The following LHFPL6 variants were observed in gnomAD, a reference collection of about 807,000 sequenced individuals.
The protein encoded by LHFPL6 is LHFPL tetraspan subfamily member 6.
In LHFPL6, 9 loss-of-function variants were observed where a neutral mutation model predicts 20.6. The observed-to-expected ratio is 0.44, with a 90% CI of 0.26 to 0.76. The LOEUF is 0.76. Among genes scored for constraint, LHFPL6 ranks in the 30% least tolerant of loss-of-function variants. The pLI, the probability that LHFPL6 is intolerant of heterozygous loss-of-function variation, is 0.20. For missense variants in LHFPL6, 218 were observed against 253.5 expected (o/e 0.86, Z 0.95); for synonymous variants, 105 against 98.7 (o/e 1.06, Z -0.38).
In LHFPL6 at chr13:39,361,006, C is replaced by T. The variant is rs181474114; in HGVS notation, c.485-16952G>A. ...TTATTGTCCTCCAAAGAAATGGTGC[C>T]GGCCATCATCAACACAAGAATTTAC... On this transcript the variant is annotated intron_variant, in intron 3 of 3. Transcript: ENST00000379589. Among the ~76,000 whole-genome samples, 774 of 96,046 alleles carry T rather than the reference C, an allele frequency of 8.1e-3. 286 individuals are homozygous for T. Among genetic ancestry groups the T allele is most frequent in the Admixed American group, 0.034 (284 of 8,290 alleles). The allele number at this position is 96,046 out of a possible 152,430, so 63.0% of individuals were successfully genotyped here. A position where few individuals can be genotyped will look rare whatever the true frequency, so the allele number is the denominator to read the frequency against.
At chr13:39,574,206 G>T (rs1293219359) in intron 2 of LHFPL6, among the ~76,000 whole-genome samples, 1 of 152,196 alleles carries the variant, frequency 6.6e-6, no homozygotes, top group Non-Finnish European at 1.5e-5. Context: ...AACAAGGCCG[G>T]GCGCGGTGGC....
At chr13:39,392,755 C>T (rs1432556114) in intron 2 of LHFPL6, among the ~76,000 whole-genome samples, 1 of 151,828 alleles carries the variant, frequency 6.6e-6, no homozygotes, top group African/African-American at 2.4e-5. Context: ...GTTGTATACC[C>T]AGGAATCAAA....
chr13:39,465,717 G>C (rs1286362409), intron 2 of LHFPL6, among the ~76,000 whole-genome samples: 1 of 152,102 alleles, frequency 6.6e-6, no homozygotes, highest in Non-Finnish European at 1.5e-5. Context: ...CATCCCACAT[G>C]GTTTACAGGG....
At chr13:39,499,522 C>T (rs1869220464) in intron 2 of LHFPL6, among the ~76,000 whole-genome samples, 1 of 152,132 alleles carries the variant, frequency 6.6e-6, no homozygotes, top group Non-Finnish European at 1.5e-5. Flanking sequence ...CAGCCCATGC[C>T]CACTCTCAGT....
chr13:39,351,419 C>A (rs1228802661), intron 3 of LHFPL6, among the ~76,000 whole-genome samples: 2 of 151,354 alleles, frequency 1.3e-5, no homozygotes, highest in East Asian at 3.8e-4. Flanking sequence ...TTGGGTCAAA[C>A]TGATTCCAGA....
intron 2 of LHFPL6, among the ~76,000 whole-genome samples, chr13:39,470,372 AT>A (rs889297096): frequency 6.6e-6 from 1 of 151,782 alleles, no homozygotes; most frequent in African/African-American, 2.4e-5. Context: ...TTCTTGGTTC[AT>A]TTTTTTTCAC....
At chr13:39,477,349 G>A (rs146866129) in intron 2 of LHFPL6, among the ~76,000 whole-genome samples, 3 of 152,296 alleles carry the variant, frequency 2.0e-5, no homozygotes, top group Non-Finnish European at 4.4e-5. Flanking sequence ...CTCTGTGTAA[G>A]TTTCTTGGGA....
chr13:39,446,471 C>CT (rs1217180297), intron 2 of LHFPL6, among the ~76,000 whole-genome samples: 1 of 152,170 alleles, frequency 6.6e-6, no homozygotes, highest in Non-Finnish European at 1.5e-5. Flanking sequence ...CAGATACCAT[C>CT]TGCAGAGCAC....
intron 3 of LHFPL6, among the ~76,000 whole-genome samples, chr13:39,371,414 T>C (rs1200960531): frequency 6.6e-6 from 1 of 152,224 alleles, no homozygotes; most frequent in African/African-American, 2.4e-5. Context: ...AAACTTACTG[T>C]TGCGGAATGT....
intron 2 of LHFPL6, among the ~76,000 whole-genome samples, chr13:39,425,734 T>C (rs1871619268): frequency 6.6e-6 from 1 of 152,208 alleles, no homozygotes; most frequent in Non-Finnish European, 1.5e-5. Flanking sequence ...TATTATGAAG[T>C]TTTGAGAGTT....
At chr13:39,554,352 C>T (rs541043911) in intron 2 of LHFPL6, among the ~76,000 whole-genome samples, 6 of 152,262 alleles carry the variant, frequency 3.9e-5, no homozygotes, top group African/African-American at 1.4e-4. Flanking sequence ...ACTCTTTAAT[C>T]GCTAAAGAGG....
At chr13:39,560,546 C>G (rs1486721308) in intron 2 of LHFPL6, among the ~76,000 whole-genome samples, 5 of 144,716 alleles carry the variant, frequency 3.5e-5, no homozygotes, top group Admixed American at 7.1e-5. Context: ...ACGGCGTCTC[C>G]CTCTGTCGCC....
intron 2 of LHFPL6, among the ~76,000 whole-genome samples, chr13:39,398,737 G>A (rs947433137): frequency 1.3e-5 from 2 of 152,200 alleles, no homozygotes; most frequent in Admixed American, 6.5e-5. Context: ...GTGGGCAAGT[G>A]AGCATTACTG....
chr13:39,386,236 C>T (rs1213812609), intron 2 of LHFPL6, among the ~76,000 whole-genome samples: 1 of 152,084 alleles, frequency 6.6e-6, no homozygotes, highest in East Asian at 1.9e-4. Context: ...CATTTTCATC[C>T]CTAGATAATG....
intron 2 of LHFPL6, among the ~76,000 whole-genome samples, chr13:39,396,109 G>T (rs1321541787): frequency 6.6e-6 from 1 of 152,122 alleles, no homozygotes; most frequent in East Asian, 1.9e-4. Context: ...CCTCTGCAGG[G>T]TGTTGGGGGT....
chr13:39,455,136 G>C (rs1872539999), intron 2 of LHFPL6, among the ~76,000 whole-genome samples: 1 of 152,000 alleles, frequency 6.6e-6, no homozygotes, highest in African/African-American at 2.4e-5. Flanking sequence ...GAGAAATAAA[G>C]TTTTGTTGTT....
intron 2 of LHFPL6, among the ~76,000 whole-genome samples, chr13:39,401,117 T>C (rs1031966469): frequency 3.9e-5 from 6 of 152,164 alleles, no homozygotes; most frequent in Non-Finnish European, 8.8e-5. Flanking sequence ...CAAATATCCA[T>C]AGTAGACACA....
chr13:39,435,881 T>C (rs1871945077), intron 2 of LHFPL6, among the ~76,000 whole-genome samples: 1 of 152,176 alleles, frequency 6.6e-6, no homozygotes, highest in South Asian at 2.1e-4. Flanking sequence ...ATATGAGAAC[T>C]TATTAACTAT....
At chr13:39,387,462 G>A (rs1173108681) in intron 2 of LHFPL6, among the ~76,000 whole-genome samples, 3 of 144,318 alleles carry the variant, frequency 2.1e-5, no homozygotes, top group African/African-American at 7.7e-5. Flanking sequence ...CAGGAGAATC[G>A]CTTGAACCGG....
Sources: allele counts gnomAD v4.1 joint callset (sites outside exome capture counted in the v4.1 genomes callset), GRCh38; gene constraint gnomAD v4.1.1; transcripts MANE v1.5; gene names NCBI Gene and HGNC (gene_info 2026-07-23, HGNC 2026-07-21).